Variants in NPFFR2 observed in about 807,000 individuals in gnomAD.
NPFFR2 encodes the protein neuropeptide FF receptor 2, also known as G-protein coupled receptor 74.
In NPFFR2, 15 loss-of-function variants were observed where a neutral mutation model predicts 13.1. That is an observed-to-expected ratio of 1.15 (90% CI 0.77 to 1.76). The LOEUF (loss-of-function observed/expected upper bound fraction) is 1.76, where lower values mean the gene tolerates loss of function less well. Ranked by LOEUF, NPFFR2 falls within the 40% of genes most tolerant of loss-of-function variation. The pLI is 0.00. For missense variants in NPFFR2, 572 were observed against 503.5 expected, an observed-to-expected ratio of 1.14 and a Z score of -1.30; for synonymous variants, 190 against 175.7, an observed-to-expected ratio of 1.08 and a Z score of -0.65.
chr4:72,113,759 A>T (rs1157451702), intron 1 of NPFFR2, among the ~76,000 whole-genome samples: 1 of 152,082 alleles, frequency 6.6e-6, no homozygotes, highest in Non-Finnish European at 1.5e-5. Flanking sequence ...CTGCGAGTAG[A>T]CCAGTTCCCT....
At chr4:72,033,546 C>A (rs1718977563) in intron 1 of NPFFR2, among the ~76,000 whole-genome samples, 1 of 152,100 alleles carries the variant, frequency 6.6e-6, no homozygotes, top group South Asian at 2.1e-4. Flanking sequence ...AATCCATACA[C>A]CCCAATAAGA....
chr4:72,067,007 G>T (rs1720090755), intron 1 of NPFFR2, among the ~76,000 whole-genome samples: 1 of 150,834 alleles, frequency 6.6e-6, no homozygotes, highest in Admixed American at 6.6e-5. Context: ...CGGCTCTGCT[G>T]GGCTTTTCCC....
intron 1 of NPFFR2, among the ~76,000 whole-genome samples, chr4:72,048,283 C>G (rs1221688190): frequency 6.6e-6 from 1 of 152,036 alleles, no homozygotes; most frequent in African/African-American, 2.4e-5. Context: ...GCAACTTACC[C>G]AAGAGAAGAT....
At chr4:72,063,499 T>A (rs1278304977) in intron 1 of NPFFR2, among the ~76,000 whole-genome samples, 2 of 152,212 alleles carry the variant, frequency 1.3e-5, no homozygotes, top group African/African-American at 4.8e-5. Context: ...ATAAGTATTT[T>A]AAGGCTATTG....
intron 1 of NPFFR2, among the ~76,000 whole-genome samples, chr4:72,068,523 G>A (rs1209004036): frequency 6.6e-6 from 1 of 152,194 alleles, no homozygotes; most frequent in Non-Finnish European, 1.5e-5. Flanking sequence ...GAGGAGACAT[G>A]CTCAAGCCAT....
chr4:72,147,255 G>T lies in NPFFR2; in HGVS notation c.706G>T (p.Val236Phe). The T allele has an allele frequency of 6.2e-7, 1 of 1,614,104 alleles. No individual in the cohort carries two copies. Among genetic ancestry groups the T allele is most frequent in the Non-Finnish European group, 8.5e-7 (1 of 1,180,032 alleles). Residue 236 changes from valine (V) to phenylalanine (F), a missense_variant, in exon 4 of 4, where the codon GTC becomes TTC. Val to Phe is a conservative substitution (Grantham distance 50, BLOSUM62 -1). Transcript: ENST00000308744. The stretch of plus-strand genomic sequence containing the variant: ...CTACCTGGCTCCCCTCTCCCTCATT[G>T]TCATCATGTATGGAAGGATTGGAAT... The part of the protein sequence containing the change: ...NIYLAPLSLI[V>F]IMYGRIGISL...
intron 1 of NPFFR2, among the ~76,000 whole-genome samples, chr4:72,097,319 C>T (rs538855317): frequency 6.6e-6 from 1 of 152,102 alleles, no homozygotes; most frequent in African/African-American, 2.4e-5. Context: ...AGACTTTATG[C>T]CTTTTTAAAT....
chr4:72,147,450 G>C lies in NPFFR2; in HGVS notation c.901G>C (p.Asp301His). ...WTLMMLSDYA[D>H]LSPNELQIIN... ...TCTAATGATGCTCTCAGACTACGCT[G>C]ACCTTTCTCCAAATGAACTGCAGAT... The change falls in exon 4 of 4, where the codon GAC (aspartate) becomes CAC (histidine). Residue 301 changes from aspartate to histidine, a missense_variant. Asp to His is a moderately conservative substitution (Grantham distance 81). Coordinates refer to ENST00000308744, the MANE Select transcript of NPFFR2 (RefSeq NM_004885.3). 1 of 1,614,148 alleles carries C rather than the reference G, an allele frequency of 6.2e-7. No individual in the cohort carries two copies.
chr4:72,081,073 G>C (rs1209481265), intron 1 of NPFFR2, among the ~76,000 whole-genome samples: 1 of 152,176 alleles, frequency 6.6e-6, no homozygotes, highest in East Asian at 1.9e-4. Context: ...AGTGCTTCAA[G>C]ATGACTGTTT....
intron 1 of NPFFR2, among the ~76,000 whole-genome samples, chr4:72,125,673 A>G (rs1935799630): frequency 6.6e-6 from 1 of 152,186 alleles, no homozygotes; most frequent in African/African-American, 2.4e-5. Context: ...TCCTTGGCTC[A>G]TGGTCCTTTT....
chr4:72,060,716 T>G (rs1434630461), intron 1 of NPFFR2, among the ~76,000 whole-genome samples: 2 of 152,084 alleles, frequency 1.3e-5, no homozygotes, highest in Non-Finnish European at 2.9e-5. Context: ...TCATTCTTAT[T>G]ATTATTTGGG....
intron 1 of NPFFR2, among the ~76,000 whole-genome samples, chr4:72,084,474 T>C (rs1720712884): frequency 6.6e-6 from 1 of 152,168 alleles, no homozygotes; most frequent in African/African-American, 2.4e-5. Context: ...ATTTGAACAA[T>C]AAAATGACTA....
chr4:72,126,910 C>A (rs915017103), intron 1 of NPFFR2, among the ~76,000 whole-genome samples: 12 of 152,172 alleles, frequency 7.9e-5, no homozygotes, highest in African/African-American at 2.9e-4. Flanking sequence ...GCATCCTTCA[C>A]TTTAATAAAT....
At chr4:72,099,835 T>G (rs1157270147) in intron 1 of NPFFR2, among the ~76,000 whole-genome samples, 1 of 152,118 alleles carries the variant, frequency 6.6e-6, no homozygotes, top group African/African-American at 2.4e-5. Flanking sequence ...TATGCTACTA[T>G]CCCTAGAGAA....
At chr4:72,091,752 C>A (rs141213502) in intron 1 of NPFFR2, among the ~76,000 whole-genome samples, 110 of 152,082 alleles carry the variant, frequency 7.2e-4, no homozygotes, top group African/African-American at 2.5e-3. Flanking sequence ...CACTAATGTT[C>A]TATCAATTTT....
rs372779938 is a variant in NPFFR2 at position 72,138,116 on chromosome 4, G to A, written c.405G>A (p.Thr135=). Residue 135 remains threonine (T), a synonymous_variant, in exon 3 of 4, where the codon ACG becomes ACA. Coordinates refer to ENST00000308744, the MANE Select transcript of NPFFR2 (RefSeq NM_004885.3). Reference sequence around the variant, plus strand: ...TATCTGTCGCAGCTTCAGTCTTTACGTTAGTTGCAATTGCTGTAGATAGGT... The same window carrying A: ...TATCTGTCGCAGCTTCAGTCTTTACATTAGTTGCAATTGCTGTAGATAGGT... ...QGISVAASVF[T]LVAIAVDRFQ... 46 of 1,613,312 alleles carry A rather than the reference G, an allele frequency of 2.9e-5. No homozygotes were observed. Among genetic ancestry groups the A allele is most frequent in the Non-Finnish European group, 3.1e-5 (36 of 1,179,556 alleles).
chr4:72,071,387 G>A (rs1055927216), intron 1 of NPFFR2, among the ~76,000 whole-genome samples: 8 of 151,646 alleles, frequency 5.3e-5, no homozygotes, highest in African/African-American at 2.0e-4. Context: ...TGAGGAGCGT[G>A]TATGACCCCC....
intron 1 of NPFFR2, among the ~76,000 whole-genome samples, chr4:72,056,359 A>G (rs1719744008): frequency 6.6e-6 from 1 of 151,972 alleles, no homozygotes; most frequent in African/African-American, 2.4e-5. Context: ...AGCATGGTGT[A>G]CTCTATACTT....
chr4:72,143,375 T>A (rs1166470800), intron 3 of NPFFR2, among the ~76,000 whole-genome samples: 6 of 152,146 alleles, frequency 3.9e-5, no homozygotes, highest in Admixed American at 3.9e-4. Context: ...TGGCCATTTG[T>A]GTAAATTGCA....
Sources: allele counts gnomAD v4.1 joint callset (sites outside exome capture counted in the v4.1 genomes callset), GRCh38; gene constraint gnomAD v4.1.1; transcripts MANE v1.5; gene names NCBI Gene and HGNC (gene_info 2026-07-23, HGNC 2026-07-21).